The following CIB2 variants were observed in gnomAD, a reference collection of about 807,000 sequenced individuals.
CIB2 encodes calcium and integrin binding family member 2.
Under a neutral mutation model 23.1 loss-of-function variants are expected in CIB2, and 19 were observed. The observed-to-expected ratio is 0.82, with a 90% CI of 0.57 to 1.21. The LOEUF is 1.21. CIB2 is among the 50% of genes most tolerant of loss of function. The pLI is 0.00. For synonymous variants in CIB2, 94 were observed against 91.7 expected, an observed-to-expected ratio of 1.03 and a Z score of -0.14; for missense variants, 220 against 241.5, an observed-to-expected ratio of 0.91 and a Z score of 0.59.
intron 2 of CIB2, chr15:78,120,526 C>A: frequency 4.1e-6 from 4 of 984,950 alleles, no homozygotes; most frequent in African/African-American, 1.7e-5. Flanking sequence ...AAGAGCACAG[C>A]CTAATTAGGG....
chr15:78,119,166 TC>T (rs1375352585), intron 2 of CIB2, among the ~76,000 whole-genome samples: 1 of 151,932 alleles, frequency 6.6e-6, no homozygotes, highest in African/African-American at 2.4e-5. Context: ...ATTTGACTAC[TC>T]TAGGTACCTC....
chr15:78,111,645 A>C (rs1435809755), intron 2 of CIB2, among the ~76,000 whole-genome samples: 1 of 152,154 alleles, frequency 6.6e-6, no homozygotes, highest in Non-Finnish European at 1.5e-5. Context: ...ACATCACCTA[A>C]TTTAATCCTC....
chr15:78,121,898 C>T (rs538179844), intron 2 of CIB2, among the ~76,000 whole-genome samples: 1 of 152,346 alleles, frequency 6.6e-6, no homozygotes, highest in East Asian at 1.9e-4. Context: ...CCCACACAGG[C>T]AATCTTGCTG....
intron 2 of CIB2, among the ~76,000 whole-genome samples, chr15:78,119,571 AC>A (rs898618309): frequency 8.6e-5 from 13 of 150,910 alleles, no homozygotes; most frequent in African/African-American, 3.2e-4. Flanking sequence ...GCATATATAT[AC>A]TTTTTTTTTT....
chr15:78,116,684 G>C (rs184351883), intron 2 of CIB2, among the ~76,000 whole-genome samples: 1 of 152,168 alleles, frequency 6.6e-6, no homozygotes. Flanking sequence ...CCATTTACTG[G>C]AAAACCAAAA....
At chr15:78,110,968 C>T (rs2074149704) in intron 3 of CIB2, among the ~76,000 whole-genome samples, 197 bp downstream of exon 3, 1 of 152,180 alleles carries the variant, frequency 6.6e-6, no homozygotes, top group Non-Finnish European at 1.5e-5. Flanking sequence ...CACTGATGTA[C>T]AGCACCCTTA....
Position 78,131,379 on chromosome 15 carries a change from G to T in CIB2, c.-164C>A. 3.1e-6 allele frequency: 1 copy of T among 320,254 alleles called. No individual in the cohort carries two copies. The highest frequency in any genetic ancestry group is 4.8e-6 in the Non-Finnish European group (1 of 206,630). The allele number at this position is 320,254 out of a possible 1,614,324, so 19.8% of individuals were successfully genotyped here. On this transcript the variant is annotated 5_prime_UTR_variant, in exon 1 of 6. Coordinates refer to ENST00000258930, the MANE Select transcript of CIB2 (RefSeq NM_006383.4). This position sits in a 1 kb window ranked among gnomAD's most constrained non-coding sequence, Gnocchi z 5.8. ...GCCCCGCAGCTCGCCTGGAGGAGGC[G>T]CGCGGGGGTCTCGGAGGCGGGGACG...
chr15:78,127,195 G>T (rs1323966857), intron 1 of CIB2, among the ~76,000 whole-genome samples: 1 of 152,166 alleles, frequency 6.6e-6, no homozygotes, highest in African/African-American at 2.4e-5. Context: ...TAGCTCTGCT[G>T]TCTTTCCCTT....
At chr15:78,109,192 T>TCCCCCCCC in intron 4 of CIB2, 43 bp downstream of exon 4, 1 of 1,241,542 alleles carries the variant, frequency 8.1e-7, no homozygotes, top group South Asian at 1.3e-5. Flanking sequence ...CCCCACATGT[T>TCCCCCCCC]CCCCCACCGC....
In CIB2 at chr15:78,105,272, A is replaced by G. The variant is rs1205321397; in HGVS notation, c.*39T>C. On this transcript the variant is annotated 3_prime_UTR_variant, in exon 6 of 6. Coordinates refer to ENST00000258930, the MANE Select transcript of CIB2 (RefSeq NM_006383.4). ...CACACCCATGTGACTGCAGGGCAGG[A>G]TGGTGGACTTCTAGGCCCCTACAGC... 6.2e-7 allele frequency: 1 copy of G among 1,613,310 alleles called. No individual in the cohort carries two copies. The highest frequency in any genetic ancestry group is 8.5e-7 in the Non-Finnish European group (1 of 1,179,688).
At chr15:78,111,875 C>T (rs1176750149) in intron 2 of CIB2, among the ~76,000 whole-genome samples, 1 of 152,220 alleles carries the variant, frequency 6.6e-6, no homozygotes, top group Non-Finnish European at 1.5e-5. Context: ...TTCGTGGCCC[C>T]ACCACCCCAA....
intron 2 of CIB2, among the ~76,000 whole-genome samples, chr15:78,118,258 G>C (rs1448117312): frequency 1.3e-5 from 2 of 152,068 alleles, no homozygotes; most frequent in Non-Finnish European, 2.9e-5. Flanking sequence ...GGGTAGTAGG[G>C]GGACAGTAAG....
intron 3 of CIB2, 152 bp from the exon 4 acceptor site, chr15:78,109,534 A>C: frequency 3.8e-6 from 3 of 785,378 alleles, no homozygotes; most frequent in Non-Finnish European, 6.4e-6. Flanking sequence ...TAATAATAAC[A>C]CCTTCTTAAT....
chr15:78,108,726 T>C (rs556469396), intron 4 of CIB2, among the ~76,000 whole-genome samples: 26 of 152,094 alleles, frequency 1.7e-4, no homozygotes, highest in African/African-American at 6.0e-4. Flanking sequence ...CTGCCCTTCC[T>C]CACTGGAAAC....
In CIB2 at chr15:78,131,140, TG is replaced by T; in HGVS notation, c.51+24del. 3 of 1,526,570 alleles carry T rather than the reference TG, an allele frequency of 2.0e-6. No individual in the cohort carries two copies. The allele number at this position is 1,526,570 out of a possible 1,614,324, so 94.6% of individuals were successfully genotyped here. A position where few individuals can be genotyped will look rare whatever the true frequency, so the allele number is the denominator to read the frequency against. On this transcript the variant is annotated intron_variant, in intron 1 of 5. Coordinates refer to ENST00000258930, the MANE Select transcript of CIB2 (RefSeq NM_006383.4). This position sits in a 1 kb window ranked among gnomAD's most constrained non-coding sequence, Gnocchi z 5.8. ...GGCGGCGGGGCGGCGGGGCCTGTGT[TG>T]GGGGCCGGGCGCGCCGAGCTCACCT...
chr15:78,116,430 G>A, intron 2 of CIB2, among the ~76,000 whole-genome samples: 1 of 150,584 alleles, frequency 6.6e-6, no homozygotes, highest in East Asian at 2.0e-4. Context: ...TCGCACCACT[G>A]CACTCCAGAC....
At position 78,123,709 on chromosome 15, in the gene CIB2, G is replaced by A. The variant is rs768296462; in HGVS notation, c.82C>T (p.Leu28Phe). ...TGAACGAGAAGCCACACTTACTTGA[G>A]GATGTCCTTCTTATTGAAGAAGGTG... ...DCTFFNKKDILKLHSRFYELA... is the reference protein window; with the variant it reads ...DCTFFNKKDIFKLHSRFYELA... The change falls in exon 2 of 6, where the codon CTC becomes TTC. Residue 28 changes from leucine to phenylalanine, a missense_variant. Transcript: ENST00000258930. 4.3e-6 allele frequency: 7 copies of A among 1,614,008 alleles called. No homozygotes were observed. Among genetic ancestry groups the A allele is most frequent in the Non-Finnish European group, 5.9e-6 (7 of 1,179,994 alleles).
intron 5 of CIB2, 129 bp from the exon 6 acceptor site, chr15:78,105,461 G>C (rs1292141783): frequency 1.3e-6 from 2 of 1,548,760 alleles, no homozygotes; most frequent in Non-Finnish European, 1.7e-6. Context: ...CCTGCATAGT[G>C]GATGCAGGTA....
At position 78,131,073 on chromosome 15, in the gene CIB2, T is replaced by C; in HGVS notation, c.51+92A>G. The stretch of plus-strand genomic sequence containing the variant: ...AGGCAGGGTTTGAACCTGGGAGAGC[T>C]GGCTCTCGGGAGGCCTCGGCCAGCG... On this transcript the variant is annotated intron_variant, in intron 1 of 5. Transcript: ENST00000258930. This position sits in a 1 kb window ranked among gnomAD's most constrained non-coding sequence, Gnocchi z 5.8. 2 of 1,120,046 alleles carry C rather than the reference T, an allele frequency of 1.8e-6. No homozygotes were observed. Among genetic ancestry groups the C allele is most frequent in the Non-Finnish European group, 2.5e-6 (2 of 810,414 alleles). The allele number at this position is 1,120,046 out of a possible 1,614,324, so 69.4% of individuals were successfully genotyped here. A position where few individuals can be genotyped will look rare whatever the true frequency, so the allele number is the denominator to read the frequency against.
Sources: gnomAD v4.1 joint callset for allele counts (sites outside exome capture counted in the v4.1 genomes callset) on GRCh38, gnomAD v4.1.1 for gene constraint, Gnocchi (gnomAD v3.1) non-coding constraint, MANE v1.5 for transcripts, NCBI Gene and HGNC (gene_info 2026-07-23, HGNC 2026-07-21) for gene names.